SLIT1: variants seen among roughly 807,000 people sequenced by gnomAD.
The protein encoded by SLIT1 is slit homolog 1 protein.
In SLIT1, 66 loss-of-function variants were observed where a neutral mutation model predicts 186.1. The ratio of observed to expected loss-of-function variants is 0.35; its 90% CI spans 0.29 to 0.44. The LOEUF (loss-of-function observed/expected upper bound fraction) is 0.44. SLIT1 is among the 20% of genes least tolerant of loss of function. The pLI, the probability that SLIT1 is intolerant of heterozygous loss-of-function variation, is 1.00. For synonymous variants in SLIT1, 761 were observed against 833.8 expected (o/e 0.91, Z 1.50); for missense variants, 1,638 against 2,037.4 (o/e 0.80, Z 3.77).
intron 23 of SLIT1, among the ~76,000 whole-genome samples, chr10:97,032,112 C>T (rs759637982): frequency 9.2e-5 from 14 of 152,326 alleles, no homozygotes; most frequent in East Asian, 5.8e-4. Context: ...GGGAGCTCAC[C>T]GTCTCAGCCG....
In SLIT1 at chr10:97,043,525, C is replaced by T. The variant is rs778926264; in HGVS notation, c.1854-12G>A. 77 of 1,464,120 alleles carry T rather than the reference C, an allele frequency of 5.3e-5. No homozygotes were observed. The highest frequency in any genetic ancestry group is 6.6e-5 in the Non-Finnish European group (71 of 1,072,248). 90.7% of individuals were successfully genotyped at this position (1,464,120 alleles called of 1,614,324 possible). ...TGTTCCGCAGCATTCTGGGGAGGAA[C>T]GGGGGAGGGAGGAGGGGACCCTTGC... On this transcript the variant is annotated splice_polypyrimidine_tract_variant and intron_variant, in intron 18 of 36. Transcript: ENST00000266058. The surrounding 1 kb of genome is among the most constrained non-coding windows in gnomAD (Gnocchi z 7.0).
At chr10:97,065,151 C>CT (rs2134640841) in intron 5 of SLIT1, among the ~76,000 whole-genome samples, 1 of 29,216 alleles carries the variant, frequency 3.4e-5, no homozygotes, top group South Asian at 1.5e-3. Context: ...CACACACACA[C>CT]ACACACACAC....
rs5787222 is a variant in SLIT1, at chr10:97,166,623, GAGAAA to G, written c.198-1738_198-1734del. 1.4e-4 allele frequency among the ~76,000 whole-genome samples: 6 copies of G among 42,660 alleles called. No individual in the cohort carries two copies. In the East Asian group the frequency reaches 1.8e-3, roughly 12 times the overall value. 28.0% of individuals were successfully genotyped at this position (42,660 alleles called of 152,430 possible). ...AGAAAGAAAGAAAGAAAGAAAGAAA[GAGAAA>G]AGAAAAGAAAAGAAAGGAAAGGAAA... On this transcript the variant is annotated intron_variant, in intron 1 of 36. Transcript: ENST00000266058.
At chr10:97,057,508 C>T (rs1848851892) in intron 11 of SLIT1, among the ~76,000 whole-genome samples, 1 of 152,264 alleles carries the variant, frequency 6.6e-6, no homozygotes, top group South Asian at 2.1e-4. Flanking sequence ...TAGAGATGCC[C>T]CTGACTCCAA....
intron 12 of SLIT1, among the ~76,000 whole-genome samples, chr10:97,056,737 A>C (rs1372653264): frequency 6.7e-6 from 1 of 149,138 alleles, no homozygotes; most frequent in Non-Finnish European, 1.5e-5. Flanking sequence ...GGGAAAGCAG[A>C]GAGCCACCTT....
intron 14 of SLIT1, 24 bp downstream of exon 14, chr10:97,048,931 G>C (rs1848762302): frequency 1.0e-5 from 16 of 1,598,280 alleles, no homozygotes; most frequent in Non-Finnish European, 1.3e-5. Flanking sequence ...GGACAGGTGG[G>C]CAGGTGGGCA....
chr10:97,113,465 T>C (rs1428933935), intron 4 of SLIT1, among the ~76,000 whole-genome samples: 1 of 151,916 alleles, frequency 6.6e-6, no homozygotes, highest in Non-Finnish European at 1.5e-5. Flanking sequence ...CTTAAACTCC[T>C]GACCTCAGGT....
chr10:97,126,297 A>G lies in SLIT1; in HGVS notation c.413+31521T>C, dbSNP rs555577285. 3.9e-5 allele frequency among the ~76,000 whole-genome samples: 6 copies of G among 152,366 alleles called. No homozygotes were observed. The South Asian group carries it at 8.3e-4, about 21-fold the overall frequency. On this transcript the variant is annotated intron_variant, in intron 4 of 36. Coordinates refer to ENST00000266058, the MANE Select transcript of SLIT1 (RefSeq NM_003061.3). ...AACGTGCACATGGGACACGTGGGAC[A>G]TGGGTGTCTCTTAGAGACGAAGACC...
At chr10:97,032,308 C>T (rs915071173) in intron 23 of SLIT1, among the ~76,000 whole-genome samples, 1 of 152,182 alleles carries the variant, frequency 6.6e-6, no homozygotes, top group Non-Finnish European at 1.5e-5. Flanking sequence ...GTGGCTGACT[C>T]TTGTAATCCC....
At position 97,010,436 on chromosome 10, in the gene SLIT1, G is replaced by A. The variant is rs1848400996; in HGVS notation, c.3341+557C>T. 6.6e-6 allele frequency among the ~76,000 whole-genome samples: 1 copy of A among 152,200 alleles called. No homozygotes were observed. Among genetic ancestry groups the A allele is most frequent in the South Asian group, 2.1e-4 (1 of 4,824 alleles). On this transcript the variant is annotated intron_variant, in intron 31 of 36. Coordinates refer to ENST00000266058, the MANE Select transcript of SLIT1 (RefSeq NM_003061.3). This position sits in a 1 kb window ranked among gnomAD's most constrained non-coding sequence, Gnocchi z 4.8. ...AAGAGGGGCTGGTGTGACAGATAAA[G>A]GGTATGGGGTTTTTTAAGGGGAAAT...
chr10:97,080,350 A>T (rs184776757), intron 4 of SLIT1, among the ~76,000 whole-genome samples: 48 of 152,356 alleles, frequency 3.2e-4, no homozygotes, highest in African/African-American at 1.2e-3. Flanking sequence ...TGACTGTGAG[A>T]GAGAAAAGCA....
chr10:97,106,639 T>TTG (rs1471555172), intron 4 of SLIT1, among the ~76,000 whole-genome samples: 2 of 133,810 alleles, frequency 1.5e-5, no homozygotes, highest in African/African-American at 6.2e-5. Flanking sequence ...CAAATTAAAG[T>TTG]TGTTTTTTTT....
chr10:97,051,086 G>T (rs1225965674), intron 13 of SLIT1, among the ~76,000 whole-genome samples: 1 of 152,190 alleles, frequency 6.6e-6, no homozygotes, highest in South Asian at 2.1e-4. Context: ...TCTGGCAGTG[G>T]AAGGAAAGGA....
chr10:97,081,843 T>C (rs1488209161), intron 4 of SLIT1, among the ~76,000 whole-genome samples: 2 of 152,130 alleles, frequency 1.3e-5, no homozygotes, highest in Admixed American at 1.3e-4. Context: ...TGGTCCTGAA[T>C]CCATCCGGCG....
chr10:97,070,495 G>C (rs1023009743), intron 4 of SLIT1, among the ~76,000 whole-genome samples: 2 of 152,150 alleles, frequency 1.3e-5, no homozygotes, highest in Non-Finnish European at 2.9e-5. Context: ...ACATTGCTAT[G>C]GTCTGAATTA....
intron 26 of SLIT1, 31 bp from the exon 27 acceptor site, chr10:97,019,138 G>T (rs766715102): frequency 7.1e-6 from 10 of 1,401,838 alleles, no homozygotes. Flanking sequence ...TAGTGCAGGG[G>T]GAGGGGTGGG....
At chr10:97,023,909 T>A (rs1377669502) in intron 25 of SLIT1, among the ~76,000 whole-genome samples, 2 of 150,664 alleles carry the variant, frequency 1.3e-5, no homozygotes, top group African/African-American at 2.5e-5. Flanking sequence ...GCTATGGCAC[T>A]CCAGCCTGGG....
chr10:97,166,348 C>CTA (rs779517724), intron 1 of SLIT1, among the ~76,000 whole-genome samples: 1 of 151,580 alleles, frequency 6.6e-6, no homozygotes, highest in Admixed American at 6.6e-5. Flanking sequence ...AACCCCGTCT[C>CTA]TACTAAAAAT....
chr10:97,166,570 A>AAAGAAG (rs59257621), intron 1 of SLIT1, among the ~76,000 whole-genome samples: 1 of 49,790 alleles, frequency 2.0e-5, no homozygotes, highest in South Asian at 6.5e-4. Flanking sequence ...AGAGAGAGAG[A>AAAGAAG]GAAAGAAAGA....
Sources: allele counts gnomAD v4.1 joint callset (sites outside exome capture counted in the v4.1 genomes callset), GRCh38; gene constraint gnomAD v4.1.1; non-coding constraint Gnocchi (gnomAD v3.1); transcripts MANE v1.5; gene names NCBI Gene and HGNC (gene_info 2026-07-23, HGNC 2026-07-21).